The following UGT1A3 variants were observed in gnomAD, a reference collection of about 807,000 sequenced individuals.
UGT1A3 encodes UDP glucuronosyltransferase family 1 member A3.
Under a neutral mutation model 41.0 loss-of-function variants are expected in UGT1A3, and 31 were observed. The observed-to-expected ratio is 0.76, with a 90% CI of 0.57 to 1.02. The LOEUF is 1.02. Ranked by LOEUF, UGT1A3 falls within the 50% of genes least tolerant of loss-of-function variation. The pLI, the probability that UGT1A3 is intolerant of heterozygous loss-of-function variation, is 0.00. For missense variants in UGT1A3, 737 were observed against 671.0 expected (o/e 1.10, Z -1.09); for synonymous variants, 262 against 257.6 (o/e 1.02, Z -0.17).
chr2:233,762,928 A>G (rs1698198044), intron 1 of UGT1A3, among the ~76,000 whole-genome samples: 1 of 152,220 alleles, frequency 6.6e-6, no homozygotes, highest in African/African-American at 2.4e-5. Flanking sequence ...TAGAATCTCT[A>G]AAAACAGTTG....
intron 1 of UGT1A3, chr2:233,747,297 T>C: frequency 6.2e-7 from 1 of 1,601,102 alleles, no homozygotes; most frequent in Admixed American, 1.7e-5. Context: ...GGGCTGAGAG[T>C]GGGAAGGTGC....
At position 233,729,753 on chromosome 2, in the gene UGT1A3, A is replaced by C. The variant is rs1211638875; in HGVS notation, c.627A>C (p.Gln209His). ...TTNSDHMTFM[Q>H]RVKNMLYPLA... ...ATTCAGACCACATGACATTCATGCAAAGGGTCAAGAACATGCTCTACCCTC... is the reference window on the plus strand; with the variant it reads ...ATTCAGACCACATGACATTCATGCACAGGGTCAAGAACATGCTCTACCCTC... Residue 209 changes from glutamine to histidine, a missense_variant, in exon 1 of 5, where the codon CAA becomes CAC. By Grantham distance (24) the Gln-to-His change is conservative (BLOSUM62 0). Coordinates refer to ENST00000482026, the MANE Select transcript of UGT1A3 (RefSeq NM_019093.4). The C allele has an allele frequency of 6.2e-7, 1 of 1,613,964 alleles. No homozygotes were observed. Among genetic ancestry groups the C allele is most frequent in the Non-Finnish European group, 8.5e-7 (1 of 1,179,856 alleles).
chr2:233,754,186 C>T (rs1695414743), intron 1 of UGT1A3: 1 of 159,716 alleles, frequency 6.3e-6, no homozygotes, highest in Non-Finnish European at 1.4e-5. Flanking sequence ...ATTTCACCAC[C>T]ACACAGTAAA....
At chr2:233,771,209 T>A (rs1015017621) in intron 4 of UGT1A3, 1 of 152,162 alleles carries the variant, frequency 6.6e-6, no homozygotes. Context: ...TGGACAAATA[T>A]CCAAACTGTA....
chr2:233,758,250 G>A (rs564739721), intron 1 of UGT1A3, among the ~76,000 whole-genome samples: 109 of 152,302 alleles, frequency 7.2e-4, no homozygotes, highest in African/African-American at 2.6e-3. Context: ...CCACTATTCA[G>A]ATTAGTAAGT....
chr2:233,768,895 A>G (rs962281870), intron 4 of UGT1A3, among the ~76,000 whole-genome samples: 6 of 152,074 alleles, frequency 3.9e-5, no homozygotes, highest in African/African-American at 1.4e-4. Context: ...GGATTTATAA[A>G]TAAGATAATT....
At chr2:233,732,602 G>T (rs1447005275) in intron 1 of UGT1A3, among the ~76,000 whole-genome samples, 1 of 152,210 alleles carries the variant, frequency 6.6e-6, no homozygotes, top group Non-Finnish European at 1.5e-5. Flanking sequence ...GTTTGTCAAA[G>T]ATCAAATGGT....
At position 233,772,651 on chromosome 2, in the gene UGT1A3, T is replaced by C. The variant is rs1700540535; in HGVS notation, c.*92T>C. 1.3e-6 allele frequency: 2 copies of C among 1,547,716 alleles called. No individual in the cohort carries two copies. Among genetic ancestry groups the C allele is most frequent in the Non-Finnish European group, 1.7e-6 (2 of 1,146,578 alleles). ...ATCAGTGTTAAATTCATTTTATTCT[T>C]ATTAAGGAAATACTTTGCATAAATT... On this transcript the variant is annotated 3_prime_UTR_variant, in exon 5 of 5. Transcript: ENST00000482026.
chr2:233,740,931 T>C (rs1341633178), intron 1 of UGT1A3: 1 of 151,798 alleles, frequency 6.6e-6, no homozygotes, highest in Non-Finnish European at 1.5e-5. Context: ...CAAAAAGTTT[T>C]TTTTTTAATT....
intron 1 of UGT1A3, among the ~76,000 whole-genome samples, chr2:233,737,955 G>A (rs1690643843): frequency 6.6e-6 from 1 of 151,990 alleles, no homozygotes; most frequent in African/African-American, 2.4e-5. Context: ...TTCCCAACAT[G>A]AGGTCACACT....
At chr2:233,753,022 A>G (rs1695114886) in intron 1 of UGT1A3, among the ~76,000 whole-genome samples, 1 of 152,162 alleles carries the variant, frequency 6.6e-6, no homozygotes, top group South Asian at 2.1e-4. Context: ...GTGATTTACA[A>G]CACAAAAAAC....
chr2:233,751,466 T>C (rs1694736440), intron 1 of UGT1A3, among the ~76,000 whole-genome samples: 1 of 152,134 alleles, frequency 6.6e-6, no homozygotes. Context: ...GAAGGCACGA[T>C]TGGTTTTGAA....
At chr2:233,743,087 A>G (rs1244920727) in intron 1 of UGT1A3, 3 of 346,168 alleles carry the variant, frequency 8.7e-6, no homozygotes, top group Non-Finnish European at 1.7e-5. Flanking sequence ...AAGTGTTTAT[A>G]AATTCTTGGG....
rs553866736 is a variant in UGT1A3 at position 233,748,743 on chromosome 2, G to A, written c.868-18291G>A. 1.8e-4 allele frequency among the ~76,000 whole-genome samples: 28 copies of A among 151,644 alleles called. No individual in the cohort carries two copies. The South Asian group carries it at 2.7e-3, about 15-fold the overall frequency. The stretch of plus-strand genomic sequence containing the variant: ...ATGATGTGGGGACATCTCAGAGTTC[G>A]GAAGGCATAGTTTTGGTTGCAGGTC... On this transcript the variant is annotated intron_variant, in intron 1 of 4. Transcript: ENST00000482026.
chr2:233,747,352 C>T (rs1016140254), intron 1 of UGT1A3: 87 of 1,602,584 alleles, frequency 5.4e-5, no homozygotes, highest in Admixed American at 8.4e-5. Flanking sequence ...ATGCGGGAGG[C>T]CGTGCGGGAG....
At chr2:233,747,120 A>T in intron 1 of UGT1A3, 1 of 1,469,012 alleles carries the variant, frequency 6.8e-7, no homozygotes, top group Non-Finnish European at 9.2e-7. Context: ...ATGATTTGCT[A>T]AGTGGCTCAG....
chr2:233,760,568 G>A (rs1252353903), intron 1 of UGT1A3: 1 of 1,614,246 alleles, frequency 6.2e-7, no homozygotes, highest in Non-Finnish European at 8.5e-7. Context: ...TCTTTTGTTA[G>A]TCTCGGGCAT....
In UGT1A3 at chr2:233,732,508, T is replaced by C. The variant is rs534063439; in HGVS notation, c.867+2515T>C. The stretch of plus-strand genomic sequence containing the variant: ...TGTATAAGGCGTAAGGAAGGGATCC[T>C]GTTCCAGCTTTCTACATATGGCCAG... On this transcript the variant is annotated intron_variant, in intron 1 of 4. Coordinates refer to ENST00000482026, the MANE Select transcript of UGT1A3 (RefSeq NM_019093.4). Among the ~76,000 whole-genome samples the C allele has an allele frequency of 1.1e-4, 16 of 152,348 alleles. 1 individual carries two copies. The South Asian group carries it at 3.3e-3, about 32-fold the overall frequency.
chr2:233,747,435 T>C, intron 1 of UGT1A3: 2 of 1,608,866 alleles, frequency 1.2e-6, no homozygotes, highest in East Asian at 2.2e-5. Flanking sequence ...AGAGAAATTT[T>C]TCACCCTGAC....
Sources: gnomAD v4.1 joint callset for allele counts (sites outside exome capture counted in the v4.1 genomes callset) on GRCh38, gnomAD v4.1.1 for gene constraint, MANE v1.5 for transcripts, NCBI Gene and HGNC (gene_info 2026-07-23, HGNC 2026-07-21) for gene names.